CEACAM6: variants seen among roughly 807,000 people sequenced by gnomAD.
The protein encoded by CEACAM6 is cell adhesion molecule CEACAM6.
In CEACAM6, 21 loss-of-function variants were observed where a neutral mutation model predicts 32.4. The observed-to-expected ratio is 0.65, with a 90% CI of 0.46 to 0.93. CEACAM6 has a LOEUF of 0.93. Among genes scored for constraint, CEACAM6 ranks in the 40% least tolerant of loss-of-function variants. CEACAM6 has a pLI of 0.00. For missense variants in CEACAM6, 406 were observed against 432.2 expected (o/e 0.94, Z 0.54); for synonymous variants, 184 against 174.4 (o/e 1.06, Z -0.43).
intron 5 of CEACAM6, among the ~76,000 whole-genome samples, chr19:41,770,177 C>T (rs1229972105): frequency 2.0e-5 from 3 of 146,924 alleles, no homozygotes; most frequent in African/African-American, 5.1e-5. Context: ...TTTGGGAGGC[C>T]GAGGTGGGTG....
chr19:41,760,543 T>G (rs1555821695), intron 2 of CEACAM6, among the ~76,000 whole-genome samples: 1 of 152,206 alleles, frequency 6.6e-6, no homozygotes, highest in East Asian at 1.9e-4. Context: ...GCTGGGAAAT[T>G]CAGGCAGCTC....
chr19:41,756,480 A>ACG (rs2072885969), intron 1 of CEACAM6, 120 bp from the exon 2 acceptor site: 1 of 1,450,706 alleles, frequency 6.9e-7, no homozygotes, highest in African/African-American at 1.6e-5. Context: ...ACACACACAC[A>ACG]CACACACACA....
At chr19:41,760,905 T>C (rs1231081631) in intron 2 of CEACAM6, among the ~76,000 whole-genome samples, 1 of 152,038 alleles carries the variant, frequency 6.6e-6, no homozygotes, top group Admixed American at 6.5e-5. Flanking sequence ...CACCTGAATG[T>C]TTCAGGTGAG....
chr19:41,767,574 G>A (rs928027139), intron 5 of CEACAM6, among the ~76,000 whole-genome samples: 9 of 152,104 alleles, frequency 5.9e-5, no homozygotes, highest in African/African-American at 1.2e-4. Context: ...TTTTAAAAAC[G>A]GATGCTCAAG....
At chr19:41,770,670 CTT>C (rs2072988838) in intron 5 of CEACAM6, 130 bp from the exon 6 acceptor site, 1 of 152,072 alleles carries the variant, frequency 6.6e-6, no homozygotes, top group Non-Finnish European at 1.5e-5. Context: ...ACAAATATGT[CTT>C]ACTGGGATTA....
chr19:41,764,894 C>T (rs2072947863), intron 4 of CEACAM6, among the ~76,000 whole-genome samples: 1 of 152,196 alleles, frequency 6.6e-6, no homozygotes, highest in Non-Finnish European at 1.5e-5. Flanking sequence ...AGATTCTTAA[C>T]TTCTCTGAGC....
chr19:41,768,708 G>A, intron 5 of CEACAM6, among the ~76,000 whole-genome samples: 2 of 147,956 alleles, frequency 1.4e-5, no homozygotes, highest in East Asian at 2.0e-4. Flanking sequence ...TCCCAGACGG[G>A]GCGGCTGGCC....
At position 41,762,427 on chromosome 19, in the gene CEACAM6, T is replaced by C. The variant is rs1328418078; in HGVS notation, c.958+204T>C. Among the ~76,000 whole-genome samples, 4 of 152,152 alleles carry C rather than the reference T, an allele frequency of 2.6e-5. No homozygotes were observed. The East Asian group carries it at 7.7e-4, about 29-fold the overall frequency. On this transcript the variant is annotated intron_variant, in intron 4 of 5. Coordinates refer to ENST00000199764, the MANE Select transcript of CEACAM6 (RefSeq NM_002483.7). Reference sequence around the variant, plus strand: ...TTTTGTTGTTTTTTGTTTTTTGATTTCTCATGTCTGACTTTGGGTCCATCC... The same window carrying C: ...TTTTGTTGTTTTTTGTTTTTTGATTCCTCATGTCTGACTTTGGGTCCATCC...
intron 4 of CEACAM6, among the ~76,000 whole-genome samples, chr19:41,763,993 T>C (rs1304269468): frequency 1.3e-5 from 2 of 152,252 alleles, no homozygotes; most frequent in African/African-American, 4.8e-5. Context: ...CAGGCATCCT[T>C]GTCTTGCTCC....
intron 2 of CEACAM6, among the ~76,000 whole-genome samples, 189 bp downstream of exon 2, chr19:41,757,148 A>T (rs1436239571): frequency 6.6e-6 from 1 of 151,952 alleles, no homozygotes; most frequent in Non-Finnish European, 1.5e-5. Context: ...CTGGATCCAG[A>T]CCCTGCAGAC....
rs556882334 is a variant in CEACAM6, at chr19:41,761,878, G to T, written c.704-91G>T. 4.0e-5 allele frequency: 59 copies of T among 1,490,952 alleles called. No homozygotes were observed. The African/African-American group carries it at 8.0e-4, about 20-fold the overall frequency. The allele number at this position is 1,490,952 out of a possible 1,614,324, so 92.4% of individuals were successfully genotyped here. On this transcript the variant is annotated intron_variant, in intron 3 of 5. Coordinates refer to ENST00000199764, the MANE Select transcript of CEACAM6 (RefSeq NM_002483.7). Reference sequence around the variant, plus strand: ...GGTTGAGACTTCAGGGTTGTGACATGGCTCAGGGGGACACCGTGGCCCTTC... The same window carrying T: ...GGTTGAGACTTCAGGGTTGTGACATTGCTCAGGGGGACACCGTGGCCCTTC...
chr19:41,758,273 G>A (rs1443945925), intron 2 of CEACAM6, among the ~76,000 whole-genome samples: 1 of 152,100 alleles, frequency 6.6e-6, no homozygotes, highest in Non-Finnish European at 1.5e-5. Flanking sequence ...AGAGGACTTT[G>A]CTTTCTCTCC....
Position 41,761,443 on chromosome 19 carries a change from A to G in CEACAM6, c.619A>G (p.Arg207Gly). 6.2e-7 allele frequency: 1 copy of G among 1,614,208 alleles called. No homozygotes were observed. The highest frequency in any genetic ancestry group is 1.3e-5 in the African/African-American group (1 of 75,046). ...GACCCTCACTCTACTCAGCGTCAAA[A>G]GGAACGATGCAGGATCCTATGAATG... Reference protein sequence around the residue: ...NMTLTLLSVKRNDAGSYECEI... With the variant: ...NMTLTLLSVKGNDAGSYECEI... The change falls in exon 3 of 6, where the codon AGG becomes GGG. Residue 207 changes from arginine to glycine, a missense_variant. Transcript: ENST00000199764.
chr19:41,757,530 G>T (rs1191849725), intron 2 of CEACAM6, among the ~76,000 whole-genome samples: 2 of 152,258 alleles, frequency 1.3e-5, no homozygotes, highest in Non-Finnish European at 1.5e-5. Context: ...ATCTAGCTGA[G>T]GATAGGGCCT....
intron 4 of CEACAM6, among the ~76,000 whole-genome samples, chr19:41,762,869 G>A (rs139913423): frequency 4.6e-5 from 7 of 152,288 alleles, no homozygotes; most frequent in African/African-American, 1.4e-4. Flanking sequence ...GGATCAGGCC[G>A]CAGGAAAATG....
intron 2 of CEACAM6, among the ~76,000 whole-genome samples, chr19:41,759,323 C>T (rs2072908779): frequency 6.6e-6 from 1 of 152,222 alleles, no homozygotes; most frequent in Admixed American, 6.5e-5. Context: ...TGAACTTAAA[C>T]TCTCATTGTG....
intron 4 of CEACAM6, among the ~76,000 whole-genome samples, chr19:41,764,297 T>C (rs551678882): frequency 2.6e-4 from 40 of 152,294 alleles, no homozygotes; most frequent in African/African-American, 9.4e-4. Flanking sequence ...ATCAATTTTT[T>C]TGAGAGTAGG....
rs534690059 is a variant in CEACAM6, at chr19:41,757,102, G to A, written c.424+143G>A. 1.8e-5 allele frequency: 25 copies of A among 1,393,866 alleles called. No individual in the cohort carries two copies. The East Asian group carries it at 3.9e-4, about 22-fold the overall frequency. The allele number at this position is 1,393,866 out of a possible 1,614,324, so 86.3% of individuals were successfully genotyped here. ...TGGACATTTAGTGCAGGACACACAC[G>A]GGGGAGACAAACTTCCACAGATCAG... On this transcript the variant is annotated intron_variant, in intron 2 of 5. Transcript: ENST00000199764.
intron 2 of CEACAM6, among the ~76,000 whole-genome samples, chr19:41,758,393 C>A (rs1237313968): frequency 6.6e-6 from 1 of 152,188 alleles, no homozygotes; most frequent in Non-Finnish European, 1.5e-5. Flanking sequence ...GGATCCATAA[C>A]CTCTTTAGAG....
Sources: allele counts gnomAD v4.1 joint callset (sites outside exome capture counted in the v4.1 genomes callset), GRCh38; gene constraint gnomAD v4.1.1; transcripts MANE v1.5; gene names NCBI Gene and HGNC (gene_info 2026-07-23, HGNC 2026-07-21).